Variants in CADM2 observed in about 807,000 individuals in gnomAD.
The protein encoded by CADM2 is immunoglobulin superfamily member 4D.
A neutral mutation model predicts 49.8 loss-of-function variants in CADM2; 12 were observed. The observed-to-expected ratio is 0.24, with a 90% CI of 0.15 to 0.39. The LOEUF (loss-of-function observed/expected upper bound fraction) is 0.39, where lower values mean the gene tolerates loss of function less well. CADM2 is among the 10% of genes least tolerant of loss of function. CADM2 has a pLI of 1.00. For missense variants in CADM2, 378 were observed against 492.3 expected, an observed-to-expected ratio of 0.77 and a Z score of 2.20; for synonymous variants, 214 against 175.4, an observed-to-expected ratio of 1.22 and a Z score of -1.74.
At position 85,734,240 on chromosome 3, in the gene CADM2, T is replaced by C. The variant is rs145120157; in HGVS notation, c.88+7692T>C. On this transcript the variant is annotated intron_variant, in intron 2 of 9. Transcript: ENST00000383699. ...GTTCTAGGGTCTGTTCAATTATTGA[T>C]TTGATCTTCAATCAAGCATCACTCT... Among the ~76,000 whole-genome samples the C allele has an allele frequency of 5.0e-3, 759 of 152,194 alleles. 4 individuals carry two copies. The highest frequency in any genetic ancestry group is 7.6e-3 in the Non-Finnish European group (518 of 67,974).
chr3:85,584,919 A>AGAATAAACCT (rs2062894328), intron 1 of CADM2, among the ~76,000 whole-genome samples: 1 of 152,224 alleles, frequency 6.6e-6, no homozygotes, highest in East Asian at 1.9e-4. Context: ...TCTTCATCAG[A>AGAATAAACCT]GAATAAACCT....
At chr3:85,245,525 T>C (rs1163914832) in intron 1 of CADM2, among the ~76,000 whole-genome samples, 8 of 150,330 alleles carry the variant, frequency 5.3e-5, no homozygotes, top group Non-Finnish European at 1.5e-5. Flanking sequence ...AAAAAAAAGA[T>C]AATAATAATT....
At chr3:85,607,891 G>A (rs1288790552) in intron 1 of CADM2, among the ~76,000 whole-genome samples, 3 of 151,804 alleles carry the variant, frequency 2.0e-5, no homozygotes, top group Admixed American at 6.6e-5. Flanking sequence ...TCCTGACCTC[G>A]TGATCTGCTT....
chr3:85,493,359 C>A (rs1031100403), intron 1 of CADM2, among the ~76,000 whole-genome samples: 1 of 152,018 alleles, frequency 6.6e-6, no homozygotes, highest in Non-Finnish European at 1.5e-5. Flanking sequence ...TTAGCTGTAA[C>A]CTTCCAAAAG....
chr3:85,012,489 A>G (rs1183116857), intron 1 of CADM2, among the ~76,000 whole-genome samples: 1 of 149,290 alleles, frequency 6.7e-6, no homozygotes, highest in Non-Finnish European at 1.5e-5. Flanking sequence ...AAATATATGT[A>G]TATATTTATA....
At chr3:85,432,363 A>G (rs1214555333) in intron 1 of CADM2, among the ~76,000 whole-genome samples, 2 of 151,996 alleles carry the variant, frequency 1.3e-5, no homozygotes, top group Non-Finnish European at 2.9e-5. Context: ...ACCAAAAATA[A>G]CAGACTGAGG....
chr3:85,785,184 T>C (rs2070907690), intron 2 of CADM2, among the ~76,000 whole-genome samples: 1 of 152,136 alleles, frequency 6.6e-6, no homozygotes, highest in Non-Finnish European at 1.5e-5. Context: ...TTTTCCTCAA[T>C]CTGGCTAAAG....
intron 1 of CADM2, among the ~76,000 whole-genome samples, chr3:85,505,157 G>C (rs2040289640): frequency 6.6e-6 from 1 of 152,234 alleles, no homozygotes; most frequent in Non-Finnish European, 1.5e-5. Context: ...GCTCTCAAGT[G>C]CCGCCAAAGT....
At chr3:86,033,689 G>T (rs1734814627) in intron 8 of CADM2, among the ~76,000 whole-genome samples, 1 of 142,708 alleles carries the variant, frequency 7.0e-6, no homozygotes. Flanking sequence ...ATATATATGA[G>T]ATAGTTATTT....
chr3:85,607,822 A>G (rs917547059), intron 1 of CADM2, among the ~76,000 whole-genome samples: 10 of 151,740 alleles, frequency 6.6e-5, no homozygotes, highest in Non-Finnish European at 1.5e-4. Flanking sequence ...ATGCCCAGCT[A>G]ATTTTTGTAT....
At chr3:85,149,932 A>G in intron 1 of CADM2, among the ~76,000 whole-genome samples, 1 of 152,208 alleles carries the variant, frequency 6.6e-6, no homozygotes, top group East Asian at 1.9e-4. Context: ...CTCTATTTTC[A>G]CAGTCTCTTA....
At chr3:86,020,969 T>C (rs1472819195) in intron 8 of CADM2, among the ~76,000 whole-genome samples, 1 of 152,024 alleles carries the variant, frequency 6.6e-6, no homozygotes. Flanking sequence ...TTCAACATAG[T>C]GTTGGAAGTT....
At chr3:85,246,413 C>T (rs2042647120) in intron 1 of CADM2, among the ~76,000 whole-genome samples, 1 of 151,614 alleles carries the variant, frequency 6.6e-6, no homozygotes, top group Non-Finnish European at 1.5e-5. Context: ...ACCTGCACGT[C>T]ATGCACATGT....
chr3:85,442,712 G>T (rs2037269729), intron 1 of CADM2, among the ~76,000 whole-genome samples: 1 of 148,614 alleles, frequency 6.7e-6, no homozygotes, highest in Admixed American at 6.7e-5. Flanking sequence ...AGCCCTTTAA[G>T]TGTTAAATAT....
At chr3:85,483,016 T>G (rs2039274982) in intron 1 of CADM2, among the ~76,000 whole-genome samples, 1 of 151,656 alleles carries the variant, frequency 6.6e-6, no homozygotes, top group Non-Finnish European at 1.5e-5. Flanking sequence ...TATTCAATCT[T>G]GACTAAAAAA....
intron 3 of CADM2, chr3:85,827,887 T>A (rs1316432596): frequency 6.6e-6 from 1 of 151,962 alleles, no homozygotes; most frequent in Non-Finnish European, 1.5e-5. Context: ...CTTGTTGCCC[T>A]CCCATTGCCC....
intron 3 of CADM2, among the ~76,000 whole-genome samples, chr3:85,855,663 G>C (rs957265626): frequency 7.1e-6 from 1 of 140,336 alleles, no homozygotes; most frequent in African/African-American, 2.6e-5. Context: ...GTTTCGCACT[G>C]TTGCCTAGGC....
intron 6 of CADM2, among the ~76,000 whole-genome samples, chr3:85,923,951 C>A (rs1391621926): frequency 6.6e-6 from 1 of 152,160 alleles, no homozygotes; most frequent in African/African-American, 2.4e-5. Context: ...GTATATATAT[C>A]CATTTTATTC....
At chr3:85,768,302 C>T (rs887301832) in intron 2 of CADM2, among the ~76,000 whole-genome samples, 12 of 151,774 alleles carry the variant, frequency 7.9e-5, no homozygotes, top group East Asian at 2.0e-4. Context: ...AAAAATTAGC[C>T]GGGTCTGGTG....
Sources: gnomAD v4.1 joint callset for allele counts (sites outside exome capture counted in the v4.1 genomes callset) on GRCh38, gnomAD v4.1.1 for gene constraint, MANE v1.5 for transcripts, NCBI Gene and HGNC (gene_info 2026-07-23, HGNC 2026-07-21) for gene names.